Variants in MYO10 observed in about 807,000 individuals in gnomAD.
The protein encoded by MYO10 is unconventional myosin-X.
Under a neutral mutation model 257.3 loss-of-function variants are expected in MYO10, and 133 were observed. The ratio of observed to expected loss-of-function variants is 0.52; its 90% CI spans 0.45 to 0.60. The LOEUF (loss-of-function observed/expected upper bound fraction) is 0.60. Among genes scored for constraint, MYO10 ranks in the 20% least tolerant of loss-of-function variants. The probability of loss-of-function intolerance (pLI) is 0.00; values close to 1 mark genes in which losing one functional copy is unlikely to be tolerated. For missense variants in MYO10, 2,399 were observed against 2,635.7 expected, an observed-to-expected ratio of 0.91 and a Z score of 1.97; for synonymous variants, 1,104 against 1,028.6, an observed-to-expected ratio of 1.07 and a Z score of -1.40.
rs575911927 is a variant in MYO10, at chr5:16,806,314, G to A, written c.280-11481C>T. On this transcript the variant is annotated intron_variant, in intron 3 of 40. Transcript: ENST00000513610. ...AGAGGTTGCAGTGAACCGAGATCAC[G>A]CCACTGCACTCCAGCCTGGGCCACA... 1.2e-4 allele frequency among the ~76,000 whole-genome samples: 18 copies of A among 151,030 alleles called. No homozygotes were observed. The East Asian group carries it at 3.0e-3, about 25-fold the overall frequency.
chr5:16,853,593 C>T (rs1442391386), intron 2 of MYO10, among the ~76,000 whole-genome samples: 2 of 152,148 alleles, frequency 1.3e-5, no homozygotes, highest in Non-Finnish European at 2.9e-5. Context: ...CCTGGTAATA[C>T]CCAGGTGTAA....
chr5:16,682,786 C>T (rs1371451503), intron 30 of MYO10, among the ~76,000 whole-genome samples: 1 of 151,558 alleles, frequency 6.6e-6, no homozygotes, highest in African/African-American at 2.4e-5. Flanking sequence ...CTTGAGGTGC[C>T]CCTTAAAAAT....
chr5:16,840,939 G>A (rs1024536546), intron 2 of MYO10, among the ~76,000 whole-genome samples: 6 of 151,956 alleles, frequency 3.9e-5, no homozygotes, highest in Admixed American at 2.6e-4. Context: ...TCAGGAGTTC[G>A]AGACCAGACT....
At chr5:16,802,313 C>T (rs1420817392) in intron 3 of MYO10, among the ~76,000 whole-genome samples, 2 of 151,964 alleles carry the variant, frequency 1.3e-5, no homozygotes, top group Non-Finnish European at 2.9e-5. Context: ...GGCTGTGATA[C>T]ATTTTGTTCA....
At chr5:16,877,526 G>C (rs1165538878) in intron 2 of MYO10, 83 bp downstream of exon 2, 2 of 1,033,162 alleles carry the variant, frequency 1.9e-6, no homozygotes, top group South Asian at 2.7e-5. Context: ...GTATGTGTAG[G>C]GGGGCCAAGC....
Position 16,818,081 on chromosome 5 carries a change from C to T in MYO10, c.207G>A (p.Ala69=), listed in dbSNP as rs532064186. Residue 69 remains alanine, a synonymous_variant, in exon 3 of 41, where the codon GCG becomes GCA. Transcript: ENST00000513610. ...AGCCGCCATGGAGCTCTGTCAAGGA[C>T]GCCATGTCATCCACGCCCTCCTCGT... ...PTNEEGVDDM[A]SLTELHGGSI... The T allele has an allele frequency of 2.0e-5, 32 of 1,611,336 alleles. No individual in the cohort carries two copies. The highest frequency in any genetic ancestry group is 2.3e-5 in the Non-Finnish European group (27 of 1,178,488).
chr5:16,886,444 T>C (rs1430403523), intron 1 of MYO10, among the ~76,000 whole-genome samples: 4 of 152,174 alleles, frequency 2.6e-5, no homozygotes, highest in South Asian at 2.1e-4. Context: ...GTTCCTGACA[T>C]TGTGCTTCAG....
chr5:16,698,767 G>A (rs1737887257), intron 26 of MYO10, among the ~76,000 whole-genome samples: 1 of 150,032 alleles, frequency 6.7e-6, no homozygotes, highest in Admixed American at 6.6e-5. Flanking sequence ...GGCACTACAG[G>A]AGCCCGCCAC....
rs149120021 is a variant in MYO10 at position 16,889,559 on chromosome 5, G to A, written c.22-11852C>T. On this transcript the variant is annotated intron_variant, in intron 1 of 40. Coordinates refer to ENST00000513610, the MANE Select transcript of MYO10 (RefSeq NM_012334.3). ...GGGCGGACGAAAGGAAGGAAAGGAA[G>A]GAAAGAAAGAAAGAAAACAGCAGAA... Among the ~76,000 whole-genome samples, 1,181 of 148,840 alleles carry A rather than the reference G, an allele frequency of 7.9e-3. 5 individuals are homozygous for A. Among genetic ancestry groups the A allele is most frequent in the Middle Eastern group, 0.014 (4 of 292 alleles).
chr5:16,717,238 T>C (rs1460408900), intron 19 of MYO10, among the ~76,000 whole-genome samples: 2 of 152,216 alleles, frequency 1.3e-5, no homozygotes, highest in African/African-American at 2.4e-5. Context: ...CTCGTATGCA[T>C]CAAACCTATT....
intron 26 of MYO10, among the ~76,000 whole-genome samples, chr5:16,695,932 C>A (rs257051): frequency 0.34 from 51,200 of 152,056 alleles, 8,860 homozygotes; most frequent in African/African-American, 0.39. Context: ...AGCTGCAGAG[C>A]CGTGTCCTAA....
chr5:16,795,918 A>C (rs1280972810), intron 3 of MYO10, among the ~76,000 whole-genome samples: 3 of 152,232 alleles, frequency 2.0e-5, no homozygotes, highest in Non-Finnish European at 4.4e-5. Flanking sequence ...GACCGAGCGC[A>C]GTGGCTCACG....
intron 2 of MYO10, among the ~76,000 whole-genome samples, chr5:16,841,891 C>T (rs928433845): frequency 2.0e-5 from 3 of 151,854 alleles, no homozygotes; most frequent in Non-Finnish European, 2.9e-5. Context: ...GAACATATTA[C>T]GGTTATGTTT....
intron 27 of MYO10, among the ~76,000 whole-genome samples, chr5:16,692,195 C>T (rs1033167484): frequency 6.6e-6 from 1 of 152,166 alleles, no homozygotes; most frequent in East Asian, 1.9e-4. Flanking sequence ...CTGAGGTGTG[C>T]GGATCACCTG....
intron 1 of MYO10, among the ~76,000 whole-genome samples, chr5:16,911,510 T>A (rs576052317): frequency 3.0e-4 from 46 of 152,074 alleles, no homozygotes; most frequent in Middle Eastern, 3.4e-3. Flanking sequence ...GGCGGGGGGA[T>A]CCCTTGAGCT....
At chr5:16,668,705 C>T (rs1281325431) in intron 39 of MYO10, among the ~76,000 whole-genome samples, 1 of 152,212 alleles carries the variant, frequency 6.6e-6, no homozygotes, top group African/African-American at 2.4e-5. Context: ...CAGAGTCTAA[C>T]ATCTTGCTTT....
In MYO10 at chr5:16,711,542, G is replaced by A. The variant is rs189114109; in HGVS notation, c.1930-297C>T. ...CTCGCGCCTGTAATCCCAGCACTTC[G>A]GGAGGCCGAGGCGGGTGGATCACAA... On this transcript the variant is annotated intron_variant, in intron 19 of 40. Transcript: ENST00000513610. 2.1e-3 allele frequency among the ~76,000 whole-genome samples: 318 copies of A among 152,318 alleles called. 5 individuals are homozygous for A. The highest frequency in any genetic ancestry group is 7.2e-3 in the African/African-American group (298 of 41,576).
At chr5:16,792,152 G>A (rs537182621) in intron 4 of MYO10, among the ~76,000 whole-genome samples, 2 of 149,124 alleles carry the variant, frequency 1.3e-5, no homozygotes, top group African/African-American at 5.0e-5. Flanking sequence ...GAGAGAGAGA[G>A]AGAGAGAGAG....
intron 30 of MYO10, among the ~76,000 whole-genome samples, chr5:16,682,803 T>A (rs2401986): frequency 0.27 from 40,889 of 149,450 alleles, 5,649 homozygotes; most frequent in South Asian, 0.36. Context: ...AAATAAAAAA[T>A]AAAAAAAGCC....
Sources: gnomAD v4.1 joint callset for allele counts (sites outside exome capture counted in the v4.1 genomes callset) on GRCh38, gnomAD v4.1.1 for gene constraint, MANE v1.5 for transcripts, NCBI Gene and HGNC (gene_info 2026-07-23, HGNC 2026-07-21) for gene names.